The following PRR5L variants were observed in gnomAD, a reference collection of about 807,000 sequenced individuals.
The protein encoded by PRR5L is proline rich 5 like, also known as proline-rich protein 5-like.
A neutral mutation model predicts 36.4 loss-of-function variants in PRR5L; 21 were observed. The ratio of observed to expected loss-of-function variants is 0.58; its 90% CI spans 0.41 to 0.83. The LOEUF (loss-of-function observed/expected upper bound fraction) is 0.83. Among genes scored for constraint, PRR5L ranks in the 40% least tolerant of loss-of-function variants. PRR5L has a pLI of 0.00. For missense variants in PRR5L, 381 were observed against 473.3 expected (o/e 0.80, Z 1.81); for synonymous variants, 188 against 197.0 (o/e 0.95, Z 0.38).
chr11:36,328,587 C>T (rs1458600588), intron 1 of PRR5L, among the ~76,000 whole-genome samples: 1 of 152,174 alleles, frequency 6.6e-6, no homozygotes, highest in Non-Finnish European at 1.5e-5. Context: ...CCTATACAGC[C>T]TGTGGAACCA....
At chr11:36,406,209 C>T (rs753093472) in intron 3 of PRR5L, among the ~76,000 whole-genome samples, 4 of 152,046 alleles carry the variant, frequency 2.6e-5, no homozygotes, top group Non-Finnish European at 4.4e-5. Context: ...TCCCCCAGCC[C>T]TCCTTTCCAG....
chr11:36,310,825 CG>C (rs776923232), intron 1 of PRR5L, among the ~76,000 whole-genome samples: 13 of 151,690 alleles, frequency 8.6e-5, no homozygotes, highest in Non-Finnish European at 1.9e-4. Flanking sequence ...GGTGAAACCC[CG>C]TCTCTACTAA....
At chr11:36,373,168 T>C (rs992715439) in intron 1 of PRR5L, among the ~76,000 whole-genome samples, 1 of 152,176 alleles carries the variant, frequency 6.6e-6, no homozygotes, top group Non-Finnish European at 1.5e-5. Context: ...GGAGCCTTGA[T>C]TGGACTGACT....
At chr11:36,406,056 A>G (rs1191097043) in intron 3 of PRR5L, among the ~76,000 whole-genome samples, 6 of 152,136 alleles carry the variant, frequency 3.9e-5, no homozygotes, top group African/African-American at 1.4e-4. Flanking sequence ...GTAGTGTCAG[A>G]AAGAGAGGTC....
intron 3 of PRR5L, among the ~76,000 whole-genome samples, chr11:36,403,799 G>T (rs1039928332): frequency 1.3e-5 from 2 of 152,182 alleles, no homozygotes; most frequent in African/African-American, 4.8e-5. Context: ...GTCTCTGTTG[G>T]CCAGGCACTG....
intron 1 of PRR5L, among the ~76,000 whole-genome samples, chr11:36,348,277 A>G (rs1348921922): frequency 6.6e-6 from 1 of 152,122 alleles, no homozygotes. Flanking sequence ...GGTTGTTTTC[A>G]TCTGTAAAAC....
chr11:36,424,256 T>A (rs1272213201), intron 4 of PRR5L, among the ~76,000 whole-genome samples: 1 of 152,164 alleles, frequency 6.6e-6, no homozygotes, highest in African/African-American at 2.4e-5. Flanking sequence ...TGAAAATATA[T>A]CACCCGAAAA....
chr11:36,385,584 C>T (rs1233572473), intron 1 of PRR5L, among the ~76,000 whole-genome samples: 1 of 152,222 alleles, frequency 6.6e-6, no homozygotes, highest in African/African-American at 2.4e-5. Flanking sequence ...AATTTGGACT[C>T]TCAGACTCTT....
At chr11:36,305,364 G>A (rs772671021) in intron 1 of PRR5L, among the ~76,000 whole-genome samples, 6 of 152,260 alleles carry the variant, frequency 3.9e-5, no homozygotes, top group Middle Eastern at 3.4e-3. Context: ...GGTTTTTAGG[G>A]GCTGGGGTTG....
intron 1 of PRR5L, among the ~76,000 whole-genome samples, chr11:36,310,478 A>G (rs900102746): frequency 6.6e-6 from 1 of 152,124 alleles, no homozygotes; most frequent in African/African-American, 2.4e-5. Context: ...AAATGCAAGT[A>G]ATTTATTTGG....
Position 36,419,250 on chromosome 11 carries a change from C to A in PRR5L, c.246-5C>A, listed in dbSNP as rs1345491550. ...GACGGTGTTTCTCTTCTCCCTTCTC[C>A]CCAGGCGGCTGTTGAAGAGTGAACT... On this transcript the variant is annotated splice_polypyrimidine_tract_variant and splice_region_variant and intron_variant, in intron 3 of 8. Transcript: ENST00000530639. 5.0e-6 allele frequency: 8 copies of A among 1,613,802 alleles called. No individual in the cohort carries two copies. The highest frequency in any genetic ancestry group is 6.8e-6 in the Non-Finnish European group (8 of 1,179,830).
chr11:36,407,780 T>A (rs368697753), intron 3 of PRR5L, among the ~76,000 whole-genome samples: 1 of 152,188 alleles, frequency 6.6e-6, no homozygotes, highest in African/African-American at 2.4e-5. Context: ...GGAAGGTAGA[T>A]GTTTTATGTA....
chr11:36,321,477 C>T (rs1856613201), intron 1 of PRR5L: 1 of 152,256 alleles, frequency 6.6e-6, no homozygotes, highest in African/African-American at 2.4e-5. Context: ...CATGAATCCA[C>T]TGCAGAAAGA....
At chr11:36,382,437 C>T (rs1857385196) in intron 1 of PRR5L, among the ~76,000 whole-genome samples, 1 of 152,208 alleles carries the variant, frequency 6.6e-6, no homozygotes, top group South Asian at 2.1e-4. Flanking sequence ...GCCAAGGAAG[C>T]ATGGTCTAGA....
At chr11:36,387,024 C>G (rs1470800053) in intron 1 of PRR5L, among the ~76,000 whole-genome samples, 1 of 152,088 alleles carries the variant, frequency 6.6e-6, no homozygotes, top group Non-Finnish European at 1.5e-5. Context: ...GGCGTGGGGT[C>G]CAGATCTAGT....
At chr11:36,449,170 G>A (rs992571792) in intron 7 of PRR5L, among the ~76,000 whole-genome samples, 1 of 152,210 alleles carries the variant, frequency 6.6e-6, no homozygotes, top group Non-Finnish European at 1.5e-5. Flanking sequence ...CCCGGCCCAA[G>A]TCCATCTTGA....
chr11:36,327,408 C>T (rs150685251), intron 1 of PRR5L, among the ~76,000 whole-genome samples: 2 of 152,302 alleles, frequency 1.3e-5, no homozygotes, highest in African/African-American at 4.8e-5. Flanking sequence ...CTCTTTGTAA[C>T]AATAAGATTC....
At chr11:36,303,136 G>A (rs576545458) in intron 1 of PRR5L, among the ~76,000 whole-genome samples, 5 of 152,320 alleles carry the variant, frequency 3.3e-5, no homozygotes, top group Admixed American at 6.5e-5. Flanking sequence ...TCTTCCTCAA[G>A]ACAGGAAGAC....
chr11:36,442,101 C>T (rs1157695636), intron 6 of PRR5L, among the ~76,000 whole-genome samples: 1 of 152,160 alleles, frequency 6.6e-6, no homozygotes, highest in African/African-American at 2.4e-5. Context: ...CTATCAGCAC[C>T]TGTTTCCCTT....
Sources: allele counts gnomAD v4.1 joint callset (sites outside exome capture counted in the v4.1 genomes callset), GRCh38; gene constraint gnomAD v4.1.1; transcripts MANE v1.5; gene names NCBI Gene and HGNC (gene_info 2026-07-23, HGNC 2026-07-21).